The following MYO6 variants were observed in gnomAD, a reference collection of about 807,000 sequenced individuals.
MYO6 encodes unconventional myosin-VI.
MYO6 carries 74 observed loss-of-function variants against 178.7 expected under a neutral mutation model. The observed-to-expected ratio is 0.41, with a 90% confidence interval of 0.34 to 0.50. The LOEUF is 0.50. Among genes scored for constraint, MYO6 ranks in the 20% least tolerant of loss-of-function variants. MYO6 has a pLI of 0.09. For missense variants in MYO6, 1,330 were observed against 1,547.4 expected (o/e 0.86, Z 2.36); for synonymous variants, 477 against 504.6 (o/e 0.95, Z 0.73).
chr6:75,820,835 C>A (rs1485226123), intron 2 of MYO6, among the ~76,000 whole-genome samples: 2 of 152,002 alleles, frequency 1.3e-5, no homozygotes, highest in Non-Finnish European at 2.9e-5. Flanking sequence ...GGTATAAATT[C>A]TTAGCTTTCC....
At chr6:75,761,053 AC>A (rs1777900331) in intron 1 of MYO6, among the ~76,000 whole-genome samples, 1 of 152,088 alleles carries the variant, frequency 6.6e-6, no homozygotes, top group Admixed American at 6.6e-5. Context: ...AGAACAAAGA[AC>A]CTGTGTGTGT....
chr6:75,851,849 G>A (rs546785876), intron 11 of MYO6, among the ~76,000 whole-genome samples: 1 of 151,972 alleles, frequency 6.6e-6, no homozygotes, highest in East Asian at 1.9e-4. Context: ...AAAAAATTTG[G>A]TATTTTTATA....
chr6:75,764,632 T>C (rs1223208505), intron 1 of MYO6, among the ~76,000 whole-genome samples: 1 of 152,062 alleles, frequency 6.6e-6, no homozygotes, highest in African/African-American at 2.4e-5. Context: ...GGATCTCAGG[T>C]CTCAGGACTC....
intron 1 of MYO6, among the ~76,000 whole-genome samples, chr6:75,809,478 C>T (rs1770449689): frequency 6.6e-6 from 1 of 152,054 alleles, no homozygotes; most frequent in African/African-American, 2.4e-5. Flanking sequence ...ACGACTATGG[C>T]CCGATGAACA....
At chr6:75,802,234 C>T (rs1769538570) in intron 1 of MYO6, among the ~76,000 whole-genome samples, 1 of 151,592 alleles carries the variant, frequency 6.6e-6, no homozygotes, top group Non-Finnish European at 1.5e-5. Flanking sequence ...TTTGGGAGGC[C>T]GAGGTAGGCG....
chr6:75,889,498 C>T (rs1157105592), intron 25 of MYO6, among the ~76,000 whole-genome samples: 2 of 152,126 alleles, frequency 1.3e-5, no homozygotes, highest in South Asian at 2.1e-4. Flanking sequence ...ACCTCCGCCT[C>T]CCGGGTTCAA....
intron 11 of MYO6, among the ~76,000 whole-genome samples, chr6:75,850,210 G>A (rs186744210): frequency 2.4e-4 from 36 of 152,000 alleles, no homozygotes; most frequent in African/African-American, 8.4e-4. Context: ...GAAGGCCAGC[G>A]GGCACCTCCT....
At position 75,892,644 on chromosome 6, in the gene MYO6, G is replaced by T. The variant is rs1778989007; in HGVS notation, c.3061G>T (p.Ala1021Ser). 6.2e-7 allele frequency: 1 copy of T among 1,612,820 alleles called. No homozygotes were observed. The highest frequency in any genetic ancestry group is 8.5e-7 in the Non-Finnish European group (1 of 1,180,016). The change falls in exon 28 of 35, where the codon GCC becomes TCC. Residue 1021 changes from alanine (A) to serine (S), a missense_variant. Transcript: ENST00000369977. The part of the protein sequence containing the change: ...ELALRIAQSE[A>S]ELISDEAQAD... ...GGCCCTGAGGATTGCCCAGAGTGAA[G>T]CCGAGCTCATCAGTGATGAGGCCCA...
At chr6:75,812,969 A>G (rs1770841982) in intron 1 of MYO6, among the ~76,000 whole-genome samples, 1 of 152,074 alleles carries the variant, frequency 6.6e-6, no homozygotes, top group Non-Finnish European at 1.5e-5. Context: ...TAGCAGTGGG[A>G]TTGCTGGATC....
chr6:75,877,663 C>T (rs527989528), intron 20 of MYO6, among the ~76,000 whole-genome samples: 2 of 151,764 alleles, frequency 1.3e-5, no homozygotes, highest in South Asian at 2.1e-4. Context: ...GGCTGTGCTG[C>T]CTGTCTTGTA....
At position 75,776,770 on chromosome 6, in the gene MYO6, C is replaced by T. The variant is rs117889279; in HGVS notation, c.-48+27347C>T. The stretch of plus-strand genomic sequence containing the variant: ...TCAAGCAATGCTCCCACTTTGGCCT[C>T]CCAAAGTGCTGAAACTATAGGTCTG... On this transcript the variant is annotated intron_variant, in intron 1 of 34. Coordinates refer to ENST00000369977, the MANE Select transcript of MYO6 (RefSeq NM_004999.4). Among the ~76,000 whole-genome samples the T allele has an allele frequency of 5.2e-3, 785 of 152,086 alleles. 12 individuals are homozygous for T. In the East Asian group the frequency reaches 0.062, roughly 12 times the overall value.
intron 7 of MYO6, among the ~76,000 whole-genome samples, chr6:75,839,984 T>C (rs1774054039): frequency 6.6e-6 from 1 of 152,078 alleles, no homozygotes; most frequent in African/African-American, 2.4e-5. Flanking sequence ...AAAGTCTAGT[T>C]ATAAATTTTG....
At chr6:75,879,464 C>G (rs1274991294) in intron 20 of MYO6, among the ~76,000 whole-genome samples, 1 of 150,540 alleles carries the variant, frequency 6.6e-6, no homozygotes, top group African/African-American at 2.5e-5. Context: ...GCCATGTTGC[C>G]CAGGCTGGTC....
At chr6:75,757,716 A>G (rs1777581826) in intron 1 of MYO6, among the ~76,000 whole-genome samples, 1 of 152,098 alleles carries the variant, frequency 6.6e-6, no homozygotes, top group South Asian at 2.1e-4. Context: ...AACTTGGTCA[A>G]ATTATTTCAT....
At chr6:75,749,693 G>A (rs781684354) in intron 1 of MYO6, among the ~76,000 whole-genome samples, 15 of 152,170 alleles carry the variant, frequency 9.9e-5, no homozygotes, top group Non-Finnish European at 4.4e-5. Context: ...CTGGCTCCCA[G>A]GTAGAAGCAG....
intron 1 of MYO6, 133 bp from the exon 2 acceptor site, chr6:75,817,368 G>A: frequency 1.6e-6 from 1 of 631,332 alleles, no homozygotes; most frequent in South Asian, 1.8e-5. Flanking sequence ...GGAGGAGGTG[G>A]GGATTTTATG....
intron 30 of MYO6, among the ~76,000 whole-genome samples, chr6:75,901,497 G>T (rs1254577438): frequency 2.6e-5 from 4 of 152,112 alleles, no homozygotes; most frequent in Admixed American, 2.0e-4. Flanking sequence ...TTGTGAATGG[G>T]AGTTCACTCG....
intron 16 of MYO6, among the ~76,000 whole-genome samples, chr6:75,864,402 C>A (rs796178579): frequency 6.6e-6 from 1 of 152,168 alleles, no homozygotes; most frequent in Admixed American, 6.5e-5. Context: ...TCTTCTGTAT[C>A]CCTATATATT....
At chr6:75,814,415 A>G (rs536991120) in intron 1 of MYO6, among the ~76,000 whole-genome samples, 1 of 152,252 alleles carries the variant, frequency 6.6e-6, no homozygotes, top group South Asian at 2.1e-4. Flanking sequence ...TCTTATGAAG[A>G]TGCTTTTTTT....
Sources: allele counts gnomAD v4.1 joint callset (sites outside exome capture counted in the v4.1 genomes callset), GRCh38; gene constraint gnomAD v4.1.1; transcripts MANE v1.5; gene names NCBI Gene and HGNC (gene_info 2026-07-23, HGNC 2026-07-21).